Variants in TEX10 observed in about 807,000 individuals in gnomAD.
TEX10 encodes testis expressed 10, also known as testis-expressed protein 10.
Under a neutral mutation model 104.4 loss-of-function variants are expected in TEX10, and 24 were observed. The observed-to-expected ratio is 0.23, with a 90% CI of 0.17 to 0.32. The LOEUF is 0.32. Ranked by LOEUF, TEX10 falls within the 10% of genes least tolerant of loss-of-function variation. The pLI, the probability that TEX10 is intolerant of heterozygous loss-of-function variation, is 1.00. For missense variants in TEX10, 921 were observed against 1,083.9 expected (o/e 0.85, Z 2.11); for synonymous variants, 396 against 393.4 (o/e 1.01, Z -0.08).
intron 4 of TEX10, among the ~76,000 whole-genome samples, chr9:100,342,450 T>C (rs190659013): frequency 6.6e-6 from 1 of 152,348 alleles, no homozygotes; most frequent in Non-Finnish European, 1.5e-5. Context: ...CTTTCTGTAA[T>C]GATCAAACTG....
chr9:100,349,399 CA>C, intron 1 of TEX10, 27 bp from the exon 2 acceptor site: 1 of 1,455,596 alleles, frequency 6.9e-7, no homozygotes, highest in Non-Finnish European at 9.2e-7. Context: ...TAATTAAAAG[CA>C]ATGGATAGAG....
intron 9 of TEX10, among the ~76,000 whole-genome samples, chr9:100,325,431 G>GGGA (rs771858399): frequency 2.0e-5 from 3 of 152,330 alleles, no homozygotes; most frequent in Non-Finnish European, 4.4e-5. Flanking sequence ...CAAGGAGGGA[G>GGGA]GATCTCCTGA....
chr9:100,324,955 A>C (rs1313473528), intron 9 of TEX10, among the ~76,000 whole-genome samples: 2 of 152,204 alleles, frequency 1.3e-5, no homozygotes, highest in Admixed American at 6.5e-5. Context: ...ATCAATATTT[A>C]AAATTCTTAA....
chr9:100,336,460 C>G (rs1036049035), intron 5 of TEX10, among the ~76,000 whole-genome samples: 3 of 152,182 alleles, frequency 2.0e-5, no homozygotes, highest in East Asian at 3.9e-4. Flanking sequence ...CTATTGTGAA[C>G]TGTGCATGCG....
intron 4 of TEX10, among the ~76,000 whole-genome samples, chr9:100,342,350 A>T (rs1367988912): frequency 6.6e-6 from 1 of 152,120 alleles, no homozygotes; most frequent in East Asian, 1.9e-4. Context: ...TATAGATCCC[A>T]CCAGAAGGTA....
intron 9 of TEX10, among the ~76,000 whole-genome samples, chr9:100,322,935 G>C (rs1215249618): frequency 1.3e-5 from 2 of 152,124 alleles, no homozygotes; most frequent in East Asian, 3.9e-4. Context: ...TTCTTAAGGA[G>C]GGGACAGGCA....
chr9:100,336,739 C>T (rs1835020316), intron 5 of TEX10, among the ~76,000 whole-genome samples: 1 of 152,188 alleles, frequency 6.6e-6, no homozygotes, highest in Non-Finnish European at 1.5e-5. Context: ...TTCCATGAAA[C>T]TAGTCCCTCA....
intron 4 of TEX10, among the ~76,000 whole-genome samples, chr9:100,341,497 G>A (rs1835170483): frequency 7.1e-6 from 1 of 140,266 alleles, no homozygotes. Flanking sequence ...TCTCATTTGG[G>A]CGATGTAACA....
At chr9:100,337,796 T>A (rs1835049158) in intron 5 of TEX10, among the ~76,000 whole-genome samples, 1 of 152,202 alleles carries the variant, frequency 6.6e-6, no homozygotes, top group South Asian at 2.1e-4. Context: ...GTCTCATCCC[T>A]TGCATTTCTG....
chr9:100,337,669 A>T (rs1054861565), intron 5 of TEX10, among the ~76,000 whole-genome samples: 1 of 152,216 alleles, frequency 6.6e-6, no homozygotes, highest in Non-Finnish European at 1.5e-5. Flanking sequence ...GAGTCAAGAA[A>T]CGGCTTCCAC....
At chr9:100,306,867 AACT>A (rs1483967791) in intron 13 of TEX10, 1 of 152,202 alleles carries the variant, frequency 6.6e-6, no homozygotes, top group Non-Finnish European at 1.5e-5. Context: ...CTCTATAAGA[AACT>A]ACAATAGATC....
chr9:100,307,489 T>C (rs1267033258), intron 13 of TEX10: 1 of 152,156 alleles, frequency 6.6e-6, no homozygotes, highest in Non-Finnish European at 1.5e-5. Flanking sequence ...ATGAGTCAAC[T>C]TCAATCAATC....
At chr9:100,320,213 T>C (rs1190303723) in intron 11 of TEX10, 52 bp downstream of exon 11, 4 of 1,520,960 alleles carry the variant, frequency 2.6e-6, no homozygotes, top group African/African-American at 2.8e-5. Context: ...CTATTACTGG[T>C]TGATGAACTG....
At position 100,340,315 on chromosome 9, in the gene TEX10, G is replaced by A. The variant is rs748006392; in HGVS notation, c.1192C>T (p.Arg398Cys). Residue 398 changes from arginine to cysteine, a missense_variant, in exon 5 of 15, where the codon CGT becomes TGT. Transcript: ENST00000374902. ...ATTTCTTTTAAGACATATGGAAAAC[G>A]ACTCATAAAATGGTGTTTAAAATCA... Reference protein sequence around the residue: ...LIDFKHHFMSRFPYVLKEITK... With the variant: ...LIDFKHHFMSCFPYVLKEITK... 3.8e-6 allele frequency: 6 copies of A among 1,572,770 alleles called. No individual in the cohort carries two copies. Among genetic ancestry groups the A allele is most frequent in the Non-Finnish European group, 5.1e-6 (6 of 1,165,820 alleles).
chr9:100,317,490 G>T (rs901670871), intron 11 of TEX10, among the ~76,000 whole-genome samples: 1 of 152,012 alleles, frequency 6.6e-6, no homozygotes, highest in African/African-American at 2.4e-5. Context: ...AAATCAACTC[G>T]AGATGATTAA....
intron 13 of TEX10, 156 bp from the exon 14 acceptor site, chr9:100,303,998 T>C (rs1834082629): frequency 3.0e-6 from 2 of 672,542 alleles, no homozygotes; most frequent in East Asian, 2.8e-5. Context: ...TCACTTACAA[T>C]AGCCACACAC....
intron 8 of TEX10, 66 bp from the exon 9 acceptor site, chr9:100,326,545 C>A: frequency 6.8e-7 from 1 of 1,471,146 alleles, no homozygotes; most frequent in Non-Finnish European, 9.1e-7. Flanking sequence ...ATTAATAAAG[C>A]AGATCAATGA....
chr9:100,333,675 C>T lies in TEX10; in HGVS notation c.1251-3506G>A, dbSNP rs147077777. Among the ~76,000 whole-genome samples the T allele has an allele frequency of 5.2e-3, 752 of 145,666 alleles. 9 individuals carry two copies. The highest frequency in any genetic ancestry group is 0.018 in the African/African-American group (702 of 39,846). On this transcript the variant is annotated intron_variant, in intron 5 of 14. Transcript: ENST00000374902. The stretch of plus-strand genomic sequence containing the variant: ...AAAAAAACCACAACAAAAAAATGCA[C>T]TAAAGCAAAACAAAGCTGGAAGACT...
chr9:100,344,984 C>T (rs2118929471), intron 4 of TEX10, among the ~76,000 whole-genome samples: 1 of 152,294 alleles, frequency 6.6e-6, no homozygotes, highest in Non-Finnish European at 1.5e-5. Flanking sequence ...TAGATCAAGA[C>T]TGTAAGTACT....
Sources: allele counts gnomAD v4.1 joint callset (sites outside exome capture counted in the v4.1 genomes callset), GRCh38; gene constraint gnomAD v4.1.1; transcripts MANE v1.5; gene names NCBI Gene and HGNC (gene_info 2026-07-23, HGNC 2026-07-21).